Variants in NCKAP5 observed in about 807,000 individuals in gnomAD.
NCKAP5 encodes the protein nck-associated protein 5.
NCKAP5 carries 92 observed loss-of-function variants against 167.0 expected under a neutral mutation model. The observed-to-expected ratio is 0.55, with a 90% CI of 0.47 to 0.66. NCKAP5 has a LOEUF of 0.66. NCKAP5 is among the 30% of genes least tolerant of loss of function. NCKAP5 has a pLI of 0.00. For synonymous variants in NCKAP5, 891 were observed against 877.4 expected, an observed-to-expected ratio of 1.02 and a Z score of -0.27; for missense variants, 2,378 against 2,315.0, an observed-to-expected ratio of 1.03 and a Z score of -0.56.
intron 6 of NCKAP5, among the ~76,000 whole-genome samples, chr2:133,029,707 T>C (rs188530612): frequency 6.6e-6 from 1 of 152,300 alleles, no homozygotes; most frequent in African/African-American, 2.4e-5. Context: ...TTGCCACATG[T>C]AATGGTATAG....
At chr2:133,193,036 C>A (rs1038774141) in intron 5 of NCKAP5, among the ~76,000 whole-genome samples, 6 of 152,074 alleles carry the variant, frequency 3.9e-5, no homozygotes, top group African/African-American at 1.4e-4. Flanking sequence ...AGTTGTGGTA[C>A]ATCCATATCA....
chr2:133,327,135 G>A (rs1487032814), intron 3 of NCKAP5, among the ~76,000 whole-genome samples: 1 of 152,182 alleles, frequency 6.6e-6, no homozygotes, highest in Non-Finnish European at 1.5e-5. Context: ...GCCAGCCCAG[G>A]TGGTTCTTCT....
At chr2:133,559,894 G>T (rs1323403346) in intron 1 of NCKAP5, among the ~76,000 whole-genome samples, 2 of 152,138 alleles carry the variant, frequency 1.3e-5, no homozygotes, top group African/African-American at 2.4e-5. Context: ...CCCAAAGTAG[G>T]AAACAAAAAG....
intron 6 of NCKAP5, among the ~76,000 whole-genome samples, chr2:132,995,005 T>A (rs1189324304): frequency 6.6e-6 from 1 of 152,114 alleles, no homozygotes; most frequent in Non-Finnish European, 1.5e-5. Flanking sequence ...AGACTTAAAA[T>A]GGTGCACCTG....
chr2:133,512,088 A>G (rs1008007414), intron 3 of NCKAP5, among the ~76,000 whole-genome samples: 6 of 152,166 alleles, frequency 3.9e-5, no homozygotes, highest in African/African-American at 1.4e-4. Flanking sequence ...GTACAGAATA[A>G]AGACTTTTGT....
the NCKAP5 span, among the ~76,000 whole-genome samples, chr2:133,598,514 G>A: frequency 6.6e-6 from 1 of 152,148 alleles, no homozygotes; most frequent in African/African-American, 2.4e-5. Flanking sequence ...TTAGCCCTGT[G>A]GCTTTTATAA....
At chr2:132,847,195 A>G (rs1688726405) in intron 11 of NCKAP5, among the ~76,000 whole-genome samples, 1 of 152,194 alleles carries the variant, frequency 6.6e-6, no homozygotes, top group Admixed American at 6.5e-5. Context: ...GCATTGTGAC[A>G]GATTAAAGAG....
At chr2:133,540,228 T>G (rs1423171782) in intron 2 of NCKAP5, among the ~76,000 whole-genome samples, 1 of 152,126 alleles carries the variant, frequency 6.6e-6, no homozygotes, top group East Asian at 1.9e-4. Flanking sequence ...ACATGTATAC[T>G]ATTAAAACCA....
upstream of NCKAP5, among the ~76,000 whole-genome samples, chr2:133,571,337 G>A (rs187708439): frequency 1.2e-4 from 18 of 151,910 alleles, no homozygotes; most frequent in Admixed American, 2.0e-4. Flanking sequence ...CTAGACTTAC[G>A]ACTTAGCATA....
chr2:133,526,626 G>A (rs564502610), intron 2 of NCKAP5, among the ~76,000 whole-genome samples: 63 of 152,194 alleles, frequency 4.1e-4, no homozygotes, highest in African/African-American at 1.4e-3. Context: ...CAGGGTAAGC[G>A]TTTTAGCTCT....
intron 6 of NCKAP5, among the ~76,000 whole-genome samples, chr2:133,084,506 A>G (rs2080916155): frequency 6.6e-6 from 1 of 152,154 alleles, no homozygotes; most frequent in African/African-American, 2.4e-5. Flanking sequence ...TGACACATAT[A>G]TGGTGGGCTT....
At chr2:133,405,979 G>C (rs891885968) in intron 3 of NCKAP5, among the ~76,000 whole-genome samples, 1 of 152,228 alleles carries the variant, frequency 6.6e-6, no homozygotes, top group Non-Finnish European at 1.5e-5. Context: ...TCAAAATTCA[G>C]GGGAATAATT....
chr2:132,923,286 T>C (rs1173433737), intron 8 of NCKAP5, among the ~76,000 whole-genome samples: 2 of 152,180 alleles, frequency 1.3e-5, no homozygotes, highest in African/African-American at 4.8e-5. Context: ...CAGAGATTAA[T>C]TGATCAGCTA....
intron 3 of NCKAP5, among the ~76,000 whole-genome samples, chr2:133,502,581 T>C (rs767756652): frequency 6.6e-6 from 1 of 152,190 alleles, no homozygotes; most frequent in Non-Finnish European, 1.5e-5. Flanking sequence ...GTATGCCATA[T>C]GTCTACATCA....
intron 3 of NCKAP5, among the ~76,000 whole-genome samples, chr2:133,462,583 T>A (rs181622656): frequency 7.9e-5 from 12 of 152,270 alleles, no homozygotes; most frequent in Admixed American, 6.5e-4. Flanking sequence ...AGAGAGATCA[T>A]CACAAGTAGA....
chr2:133,498,690 A>T (rs1026361126), intron 3 of NCKAP5, among the ~76,000 whole-genome samples: 3 of 152,272 alleles, frequency 2.0e-5, no homozygotes, highest in African/African-American at 7.2e-5. Context: ...ACGCGGAGGG[A>T]GAGAGGGAGA....
intron 3 of NCKAP5, among the ~76,000 whole-genome samples, chr2:133,479,435 A>G (rs1680229749): frequency 6.6e-6 from 1 of 152,204 alleles, no homozygotes; most frequent in South Asian, 2.1e-4. Flanking sequence ...AGTTCTGGTT[A>G]TTGTCAAAAC....
At chr2:133,257,636 C>T (rs7603759) in intron 4 of NCKAP5, among the ~76,000 whole-genome samples, 23,917 of 152,036 alleles carry the variant, frequency 0.16, 2,053 homozygotes, top group African/African-American at 0.24. Context: ...AATCATTATT[C>T]CGTGTAATCT....
chr2:133,031,105 T>C (rs1437900), intron 6 of NCKAP5, among the ~76,000 whole-genome samples: 151,086 of 152,178 alleles, frequency 0.99, 75,008 homozygotes, highest in East Asian at 1. Flanking sequence ...CAACTTCATA[T>C]ACAGAAAAAA....
Sources: gnomAD v4.1 joint callset for allele counts (sites outside exome capture counted in the v4.1 genomes callset) on GRCh38, gnomAD v4.1.1 for gene constraint, MANE v1.5 for transcripts, NCBI Gene and HGNC (gene_info 2026-07-23, HGNC 2026-07-21) for gene names.